Variants in UEVLD observed in about 807,000 individuals in gnomAD.
UEVLD encodes ubiquitin-conjugating enzyme E2 variant 3.
In UEVLD, 47 loss-of-function variants were observed where a neutral mutation model predicts 58.6. The observed-to-expected ratio is 0.80, with a 90% CI of 0.63 to 1.02. The LOEUF is 1.02. Among genes scored for constraint, UEVLD ranks in the 50% least tolerant of loss-of-function variants. The pLI, the probability that UEVLD is intolerant of heterozygous loss-of-function variation, is 0.00. For missense variants in UEVLD, 510 were observed against 550.6 expected (o/e 0.93, Z 0.74); for synonymous variants, 197 against 195.3 (o/e 1.01, Z -0.07).
intron 7 of UEVLD, among the ~76,000 whole-genome samples, chr11:18,557,377 T>G (rs1007203807): frequency 8.1e-4 from 123 of 152,010 alleles, no homozygotes; most frequent in African/African-American, 2.9e-3. Flanking sequence ...TGGTCTCGAT[T>G]TCCCGACCTC....
At chr11:18,584,272 C>T (rs1010654585) in intron 1 of UEVLD, among the ~76,000 whole-genome samples, 3 of 152,018 alleles carry the variant, frequency 2.0e-5, no homozygotes, top group African/African-American at 7.2e-5. Context: ...GTCCTAGCTA[C>T]CTCCAGAGGC....
At chr11:18,560,141 A>ACACACACCAGCCT (rs1851967515) in intron 6 of UEVLD, among the ~76,000 whole-genome samples, 1 of 58,628 alleles carries the variant, frequency 1.7e-5, no homozygotes, top group Non-Finnish European at 3.1e-5. Context: ...ACACACACAG[A>ACACACACCAGCCT]GAGAGAAAGA....
In UEVLD at chr11:18,584,365, G is replaced by A. The variant is rs528680253; in HGVS notation, c.42+4248C>T. On this transcript the variant is annotated intron_variant, in intron 1 of 11. Coordinates refer to ENST00000396197, the MANE Select transcript of UEVLD (RefSeq NM_001040697.4). ...ACCACTGCACTCCAGCCTGGGAGAC[G>A]GAGCAAGGCTCTGTCTCTTTAAAAA... Among the ~76,000 whole-genome samples the A allele has an allele frequency of 1.3e-4, 20 of 152,110 alleles. No homozygotes were observed. In the South Asian group the frequency reaches 3.1e-3, roughly 24 times the overall value.
intron 2 of UEVLD, among the ~76,000 whole-genome samples, chr11:18,576,300 C>A (rs1852906608): frequency 6.6e-6 from 1 of 152,096 alleles, no homozygotes; most frequent in African/African-American, 2.4e-5. Flanking sequence ...CACCTGTAAT[C>A]CCAGCACCTT....
At chr11:18,579,158 C>T (rs1254868796) in intron 1 of UEVLD, among the ~76,000 whole-genome samples, 1 of 152,130 alleles carries the variant, frequency 6.6e-6, no homozygotes, top group African/African-American at 2.4e-5. Flanking sequence ...TGAGCCACCA[C>T]GCCCGGCCTG....
chr11:18,555,934 G>A (rs372356895), intron 7 of UEVLD, among the ~76,000 whole-genome samples: 5 of 152,096 alleles, frequency 3.3e-5, no homozygotes, highest in African/African-American at 1.2e-4. Flanking sequence ...GGACCACAGA[G>A]CAAGACCTTG....
At chr11:18,587,531 G>A (rs576164246) in intron 1 of UEVLD, 1 of 152,264 alleles carries the variant, frequency 6.6e-6, no homozygotes, top group African/African-American at 2.4e-5. Flanking sequence ...GGCCGGGTGC[G>A]GTGGTTCATA....
chr11:18,583,841 G>A (rs12225461), intron 1 of UEVLD, among the ~76,000 whole-genome samples: 28,099 of 150,998 alleles, frequency 0.19, 2,982 homozygotes, highest in East Asian at 0.41. Flanking sequence ...TTGTATTTTT[G>A]GTAGAGACGA....
At chr11:18,572,234 T>A (rs909755950) in intron 3 of UEVLD, among the ~76,000 whole-genome samples, 1 of 151,474 alleles carries the variant, frequency 6.6e-6, no homozygotes, top group African/African-American at 2.4e-5. Flanking sequence ...AGACTCCGTC[T>A]CAAAAAAAAA....
At chr11:18,539,678 C>T (rs2133962945) in intron 9 of UEVLD, among the ~76,000 whole-genome samples, 1 of 152,122 alleles carries the variant, frequency 6.6e-6, no homozygotes. Context: ...AAGCCCAATC[C>T]TAAAGGGTAA....
At chr11:18,578,594 A>C (rs1169036973) in intron 2 of UEVLD, 130 bp downstream of exon 2, 1 of 667,492 alleles carries the variant, frequency 1.5e-6, no homozygotes, top group African/African-American at 1.9e-5. Context: ...CAGAAATTGC[A>C]GGTCATAAAG....
intron 7 of UEVLD, among the ~76,000 whole-genome samples, chr11:18,551,989 T>C (rs1354076820): frequency 1.3e-5 from 2 of 152,338 alleles, no homozygotes; most frequent in Middle Eastern, 3.4e-3. Flanking sequence ...CAGGTAACTC[T>C]GTATCAAATA....
intron 8 of UEVLD, among the ~76,000 whole-genome samples, chr11:18,545,104 G>A (rs1392518450): frequency 3.7e-5 from 5 of 136,984 alleles, no homozygotes; most frequent in African/African-American, 8.3e-5. Context: ...ATGGAGTGTC[G>A]CTCTATCGCC....
chr11:18,533,931 C>T (rs1470473895), intron 11 of UEVLD, among the ~76,000 whole-genome samples: 2 of 152,186 alleles, frequency 1.3e-5, no homozygotes, highest in East Asian at 1.9e-4. Context: ...GGATTACAGG[C>T]GTGAGCCACT....
At chr11:18,585,799 A>G (rs577536506) in intron 1 of UEVLD, among the ~76,000 whole-genome samples, 1 of 151,982 alleles carries the variant, frequency 6.6e-6, no homozygotes, top group East Asian at 1.9e-4. Context: ...CACCATGCCC[A>G]GTTTTTACAT....
chr11:18,565,276 G>T (rs1160872019), intron 5 of UEVLD, among the ~76,000 whole-genome samples: 1 of 152,062 alleles, frequency 6.6e-6, no homozygotes, highest in East Asian at 1.9e-4. Context: ...AAAAAAGTAG[G>T]ATTTCCATAA....
chr11:18,538,742 A>C (rs2133960642), intron 9 of UEVLD: 1 of 151,956 alleles, frequency 6.6e-6, no homozygotes, highest in East Asian at 2.0e-4. Flanking sequence ...GTTGAAAAAC[A>C]GAAAAAGGGC....
chr11:18,570,098 A>G (rs2305166), intron 4 of UEVLD, 116 bp downstream of exon 4: 207,381 of 1,133,780 alleles, frequency 0.18, 22,062 homozygotes, highest in East Asian at 0.45. Context: ...CAAAGACTAC[A>G]TGAAGAATAT....
intron 3 of UEVLD, among the ~76,000 whole-genome samples, chr11:18,572,299 G>C (rs1852666102): frequency 6.6e-6 from 1 of 152,162 alleles, no homozygotes; most frequent in South Asian, 2.1e-4. Flanking sequence ...TGAAGAAAAA[G>C]TATCATTATA....
Sources: allele counts gnomAD v4.1 joint callset (sites outside exome capture counted in the v4.1 genomes callset), GRCh38; gene constraint gnomAD v4.1.1; transcripts MANE v1.5; gene names NCBI Gene and HGNC (gene_info 2026-07-23, HGNC 2026-07-21).